Variants in DENND5B observed in about 807,000 individuals in gnomAD.
DENND5B encodes DENN domain containing 5B.
A neutral mutation model predicts 140.6 loss-of-function variants in DENND5B; 34 were observed. The ratio of observed to expected loss-of-function variants is 0.24; its 90% CI spans 0.18 to 0.32. The LOEUF (loss-of-function observed/expected upper bound fraction) is 0.32. Ranked by LOEUF, DENND5B falls within the 10% of genes least tolerant of loss-of-function variation. DENND5B has a pLI of 1.00. For missense variants in DENND5B, 1,142 were observed against 1,560.2 expected, an observed-to-expected ratio of 0.73 and a Z score of 4.52; for synonymous variants, 551 against 562.1, an observed-to-expected ratio of 0.98 and a Z score of 0.28.
intron 1 of DENND5B, among the ~76,000 whole-genome samples, chr12:31,547,996 G>A (rs371677743): frequency 2.0e-4 from 30 of 152,166 alleles, no homozygotes; most frequent in African/African-American, 6.5e-4. Flanking sequence ...GTGAGCCACC[G>A]CACCCAGCCT....
chr12:31,583,705 AAAC>A (rs201934085), intron 1 of DENND5B, among the ~76,000 whole-genome samples: 3,487 of 151,384 alleles, frequency 0.023, 62 homozygotes, highest in South Asian at 0.052. Context: ...AAACAAAAAC[AAAC>A]AACAACAACA....
intron 1 of DENND5B, among the ~76,000 whole-genome samples, chr12:31,510,060 G>A (rs1042396296): frequency 6.6e-6 from 1 of 152,134 alleles, no homozygotes; most frequent in Non-Finnish European, 1.5e-5. Flanking sequence ...TTTTAAGTAC[G>A]ATATCTTATG....
intron 4 of DENND5B, among the ~76,000 whole-genome samples, chr12:31,456,580 A>G (rs556788301): frequency 6.6e-6 from 1 of 152,334 alleles, no homozygotes; most frequent in East Asian, 1.9e-4. Flanking sequence ...TATTCTACAC[A>G]AATAGTGTAT....
chr12:31,454,797 T>C (rs895387871), intron 4 of DENND5B, among the ~76,000 whole-genome samples: 4 of 144,690 alleles, frequency 2.8e-5, no homozygotes, highest in Non-Finnish European at 4.5e-5. Flanking sequence ...ATAATTTGAA[T>C]GGATGATTCA....
At chr12:31,555,640 C>T (rs1220465919) in intron 1 of DENND5B, among the ~76,000 whole-genome samples, 1 of 152,352 alleles carries the variant, frequency 6.6e-6, no homozygotes, top group South Asian at 2.1e-4. Context: ...CTGTGCCCTG[C>T]CCCCAGAGGT....
At chr12:31,399,872 G>T in intron 15 of DENND5B, 100 bp from the exon 16 acceptor site, 1 of 765,510 alleles carries the variant, frequency 1.3e-6, no homozygotes, top group Non-Finnish European at 2.2e-6. Context: ...CAACTGCAGA[G>T]ACAAACCCTG....
intron 1 of DENND5B, chr12:31,590,246 G>A (rs898458208): frequency 6.6e-6 from 1 of 152,404 alleles, no homozygotes; most frequent in Non-Finnish European, 1.5e-5. Context: ...GAGCCGAGCT[G>A]AGTCCGACTC....
chr12:31,441,338 T>A (rs1267263716), intron 7 of DENND5B, among the ~76,000 whole-genome samples: 1 of 151,900 alleles, frequency 6.6e-6, no homozygotes, highest in African/African-American at 2.4e-5. Context: ...GAGCAAGACC[T>A]TGTCTCAAAA....
chr12:31,549,641 T>C (rs972024771), intron 1 of DENND5B, among the ~76,000 whole-genome samples: 3 of 152,094 alleles, frequency 2.0e-5, no homozygotes, highest in Non-Finnish European at 4.4e-5. Flanking sequence ...TATCAACCCA[T>C]CACCTAGGTA....
chr12:31,417,021 C>G (rs533411114), intron 11 of DENND5B, among the ~76,000 whole-genome samples: 8 of 140,128 alleles, frequency 5.7e-5, no homozygotes, highest in Non-Finnish European at 1.1e-4. Flanking sequence ...GAGCCCACCA[C>G]TGCACTCCAG....
intron 1 of DENND5B, among the ~76,000 whole-genome samples, chr12:31,536,866 A>G (rs1948513871): frequency 6.6e-6 from 1 of 152,200 alleles, no homozygotes; most frequent in Admixed American, 6.5e-5. Flanking sequence ...ACTGAACTCC[A>G]ATACATTTGG....
chr12:31,422,263 CA>C (rs745781782), intron 11 of DENND5B, among the ~76,000 whole-genome samples: 1,763 of 45,652 alleles, frequency 0.039, 19 homozygotes, highest in East Asian at 0.23. Context: ...ACTAAAAATC[CA>C]AAAAAAAAAA....
At chr12:31,581,693 C>CAAAAA (rs139320385) in intron 1 of DENND5B, among the ~76,000 whole-genome samples, 1 of 119,082 alleles carries the variant, frequency 8.4e-6, no homozygotes, top group Non-Finnish European at 1.7e-5. Flanking sequence ...AACTCTGTCT[C>CAAAAA]AAAAAAAAAA....
chr12:31,577,482 A>G (rs1950054186), intron 1 of DENND5B, among the ~76,000 whole-genome samples: 1 of 152,026 alleles, frequency 6.6e-6, no homozygotes, highest in Admixed American at 6.6e-5. Context: ...AGGCCGAGGC[A>G]GGCAGATCAC....
At chr12:31,462,618 T>C (rs901415115) in intron 3 of DENND5B, among the ~76,000 whole-genome samples, 8 of 152,086 alleles carry the variant, frequency 5.3e-5, no homozygotes, top group Non-Finnish European at 1.0e-4. Context: ...AACTACTAAA[T>C]GTTATGTTTT....
intron 1 of DENND5B, among the ~76,000 whole-genome samples, chr12:31,578,651 T>C (rs1246781208): frequency 5.3e-5 from 8 of 152,182 alleles, no homozygotes; most frequent in Non-Finnish European, 8.8e-5. Context: ...TTAAAATATA[T>C]ATCATAACCT....
intron 1 of DENND5B, among the ~76,000 whole-genome samples, chr12:31,574,546 C>T (rs534505271): frequency 5.3e-5 from 8 of 152,022 alleles, no homozygotes; most frequent in Non-Finnish European, 8.8e-5. Flanking sequence ...GCTGAGATTG[C>T]GTCACCGCAC....
intron 1 of DENND5B, among the ~76,000 whole-genome samples, chr12:31,516,499 T>G (rs1296531364): frequency 2.0e-5 from 3 of 149,142 alleles, no homozygotes; most frequent in East Asian, 2.0e-4. Flanking sequence ...AAAAAAAAAG[T>G]TAACCCCAAG....
intron 1 of DENND5B, among the ~76,000 whole-genome samples, chr12:31,526,725 C>T (rs976874): frequency 0.82 from 124,172 of 152,092 alleles, 51,019 homozygotes; most frequent in African/African-American, 0.9. Context: ...GTTTAGTTAA[C>T]AGTATTATTC....
Sources: gnomAD v4.1 joint callset for allele counts (sites outside exome capture counted in the v4.1 genomes callset) on GRCh38, gnomAD v4.1.1 for gene constraint, MANE v1.5 for transcripts, NCBI Gene and HGNC (gene_info 2026-07-23, HGNC 2026-07-21) for gene names.